Variants in GLT8D2 observed in about 807,000 individuals in gnomAD.
GLT8D2 encodes the protein glycosyltransferase 8 domain-containing protein 2.
GLT8D2 carries 45 observed loss-of-function variants against 44.5 expected under a neutral mutation model. The observed-to-expected ratio is 1.01, with a 90% CI of 0.80 to 1.30. The LOEUF (loss-of-function observed/expected upper bound fraction) is 1.30, where lower values mean the gene tolerates loss of function less well. Among genes scored for constraint, GLT8D2 ranks in the 50% most tolerant of loss-of-function variants. The pLI is 0.00. For missense variants in GLT8D2, 400 were observed against 430.4 expected (o/e 0.93, Z 0.62); for synonymous variants, 156 against 157.2 (o/e 0.99, Z 0.06).
intron 3 of GLT8D2, among the ~76,000 whole-genome samples, chr12:104,017,511 C>G (rs917749549): frequency 6.6e-5 from 10 of 152,098 alleles, no homozygotes; most frequent in African/African-American, 2.4e-4. Context: ...TTAGTAGAGA[C>G]AGGGTTTCAC....
At chr12:104,034,267 C>T (rs1211626273) in intron 1 of GLT8D2, among the ~76,000 whole-genome samples, 2 of 152,166 alleles carry the variant, frequency 1.3e-5, no homozygotes, top group Non-Finnish European at 2.9e-5. Context: ...TGAGGTACCT[C>T]GTTCATCTCA....
chr12:104,033,086 T>C (rs1257684538), intron 1 of GLT8D2, among the ~76,000 whole-genome samples: 2 of 152,134 alleles, frequency 1.3e-5, no homozygotes, highest in Non-Finnish European at 2.9e-5. Flanking sequence ...TTCACCATGT[T>C]GGCCAGGCTG....
chr12:104,059,880 A>G (rs1342139859), intron 1 of GLT8D2, among the ~76,000 whole-genome samples: 2 of 152,180 alleles, frequency 1.3e-5, no homozygotes, highest in Admixed American at 6.5e-5. Context: ...CAATTTACAC[A>G]GTACCTCTCT....
At chr12:104,043,800 A>G (rs904484154) in intron 1 of GLT8D2, among the ~76,000 whole-genome samples, 2 of 152,202 alleles carry the variant, frequency 1.3e-5, no homozygotes, top group African/African-American at 4.8e-5. Flanking sequence ...CCACAAAAAA[A>G]TCAGCTTGGT....
rs1478824692 is a variant in GLT8D2 at position 104,035,961 on chromosome 12, A to G, written c.-164+13934T>C. 2.0e-5 allele frequency among the ~76,000 whole-genome samples: 3 copies of G among 152,260 alleles called. No homozygotes were observed. In the East Asian group the frequency reaches 5.8e-4, roughly 29 times the overall value. The stretch of plus-strand genomic sequence containing the variant: ...ACAAAGGGAAGCCCATCAGACTAAC[A>G]GCAGATCTCTCAGCAGAAACTCTAC... On this transcript the variant is annotated intron_variant, in intron 1 of 10. Transcript: ENST00000360814.
intron 3 of GLT8D2, among the ~76,000 whole-genome samples, chr12:104,016,830 G>A (rs1179301403): frequency 1.0e-5 from 1 of 95,288 alleles, no homozygotes; most frequent in African/African-American, 4.4e-5. Context: ...AGAAAGAAAA[G>A]AAAGAAAGAA....
At chr12:104,026,278 C>CAAAAAAAAAA (rs760871849) in intron 1 of GLT8D2, among the ~76,000 whole-genome samples, 1 of 78,836 alleles carries the variant, frequency 1.3e-5, no homozygotes, top group East Asian at 3.0e-4. Context: ...GACTCTGTCT[C>CAAAAAAAAAA]AAAAAAAAAA....
At position 104,003,759 on chromosome 12, in the gene GLT8D2, T is replaced by C. The variant is rs114617980; in HGVS notation, c.113-453A>G. 1.8e-3 allele frequency among the ~76,000 whole-genome samples: 267 copies of C among 152,280 alleles called. 1 individual carries two copies. The highest frequency in any genetic ancestry group is 6.2e-3 in the African/African-American group (259 of 41,548). On this transcript the variant is annotated intron_variant, in intron 4 of 10. Transcript: ENST00000360814. Reference sequence around the variant, plus strand: ...GAAGGAATCTTGATCTGGATAATTGTGGAACTGATACATCAGACTTATACT... The same window carrying C: ...GAAGGAATCTTGATCTGGATAATTGCGGAACTGATACATCAGACTTATACT...
rs192046348 is a variant in GLT8D2, at chr12:104,056,924, A to C, written c.-422-6636T>G. On this transcript the variant is annotated intron_variant, in intron 1 of 10. Coordinates refer to the GLT8D2 transcript ENST00000548660. ...TTTATCTCCAAGTAACATTGTAAAA[A>C]ATGGACGATAGAATTTGCCAATAAA... Among the ~76,000 whole-genome samples, 7 of 152,352 alleles carry C rather than the reference A, an allele frequency of 4.6e-5. No homozygotes were observed. In the East Asian group the frequency reaches 1.3e-3, roughly 29 times the overall value.
chr12:104,012,185 A>AT lies in GLT8D2; in HGVS notation c.112+2827_112+2828insA, dbSNP rs1457476166. On this transcript the variant is annotated intron_variant, in intron 4 of 10. Transcript: ENST00000360814. ...AACTCTGTCTCAAAAAAAAAAAAAA[A>AT]AAAAATATATATATATATATATATA... 7.4e-3 allele frequency among the ~76,000 whole-genome samples: 631 copies of AT among 85,728 alleles called. 1 individual carries two copies. Among genetic ancestry groups the AT allele is most frequent in the South Asian group, 0.016 (44 of 2,838 alleles). The allele number at this position is 85,728 out of a possible 152,430, so 56.2% of individuals were successfully genotyped here.
At chr12:104,019,078 A>C (rs1355515164) in intron 3 of GLT8D2, among the ~76,000 whole-genome samples, 1 of 151,664 alleles carries the variant, frequency 6.6e-6, no homozygotes, top group Non-Finnish European at 1.5e-5. Context: ...TTTTATAGAA[A>C]TATATGATCC....
At chr12:104,020,189 T>A (rs1877450279) in intron 2 of GLT8D2, among the ~76,000 whole-genome samples, 1 of 152,150 alleles carries the variant, frequency 6.6e-6, no homozygotes, top group Admixed American at 6.5e-5. Flanking sequence ...CCCAAAGTGC[T>A]GGGATTATAG....
intron 1 of GLT8D2, among the ~76,000 whole-genome samples, chr12:104,062,603 C>CA (rs1882760127): frequency 6.6e-6 from 1 of 152,106 alleles, no homozygotes; most frequent in Admixed American, 6.5e-5. Context: ...AAATTGCTTT[C>CA]AATTTTTTCT....
intron 3 of GLT8D2, among the ~76,000 whole-genome samples, chr12:104,016,248 T>C (rs1187583341): frequency 6.6e-6 from 1 of 152,196 alleles, no homozygotes; most frequent in Non-Finnish European, 1.5e-5. Context: ...TTGTTGAATT[T>C]ATGTGATTCT....
At chr12:104,033,202 C>T (rs1879524651) in intron 1 of GLT8D2, among the ~76,000 whole-genome samples, 1 of 150,024 alleles carries the variant, frequency 6.7e-6, no homozygotes, top group South Asian at 2.1e-4. Context: ...TTCAGAATAG[C>T]CAAGATATGG....
chr12:104,018,257 C>T (rs1877145365), intron 3 of GLT8D2, among the ~76,000 whole-genome samples: 2 of 152,166 alleles, frequency 1.3e-5, no homozygotes, highest in African/African-American at 4.8e-5. Flanking sequence ...CAGGCATGAG[C>T]CACCGCACCT....
In GLT8D2 at chr12:104,045,931, GAA is replaced by G. The variant is rs769532016; in HGVS notation, c.-164+3962_-164+3963del. Among the ~76,000 whole-genome samples, 300 of 137,156 alleles carry G rather than the reference GAA, an allele frequency of 2.2e-3. 4 individuals are homozygous for G. Among genetic ancestry groups the G allele is most frequent in the East Asian group, 0.014 (67 of 4,672 alleles). 90.0% of individuals were successfully genotyped at this position (137,156 alleles called of 152,430 possible). On this transcript the variant is annotated intron_variant, in intron 1 of 10. Transcript: ENST00000360814. ...AGAAAGAAAGAAAGAAAGAAAGAAA[GAA>G]AGAAAAAGAAAGAAAGAAAGAAAAT...
intron 8 of GLT8D2, 36 bp from the exon 9 acceptor site, chr12:103,994,537 C>A: frequency 2.0e-6 from 3 of 1,535,278 alleles, no homozygotes; most frequent in South Asian, 1.2e-5. Flanking sequence ...TTTTGACCAG[C>A]GAATCTTTTG....
At chr12:104,012,167 T>C (rs1233740235) in intron 4 of GLT8D2, among the ~76,000 whole-genome samples, 1 of 55,322 alleles carries the variant, frequency 1.8e-5, no homozygotes, top group Non-Finnish European at 3.3e-5. Flanking sequence ...CGAAACTCTG[T>C]CTCAAAAAAA....
Sources: allele counts gnomAD v4.1 joint callset (sites outside exome capture counted in the v4.1 genomes callset), GRCh38; gene constraint gnomAD v4.1.1; transcripts MANE v1.5; gene names NCBI Gene and HGNC (gene_info 2026-07-23, HGNC 2026-07-21).